Variants in GLB1L3 observed in about 807,000 individuals in gnomAD.
GLB1L3 encodes the protein galactosidase beta 1 like 3.
In GLB1L3, 89 loss-of-function variants were observed where a neutral mutation model predicts 89.5. That is an observed-to-expected ratio of 0.99 (90% CI 0.84 to 1.19). GLB1L3 has a LOEUF of 1.19. Among genes scored for constraint, GLB1L3 ranks in the 50% most tolerant of loss-of-function variants. The pLI is 0.00. For missense variants in GLB1L3, 812 were observed against 813.3 expected (o/e 1.00, Z 0.02); for synonymous variants, 314 against 312.3 (o/e 1.01, Z -0.06).
chr11:134,288,674 A>G (rs879783476), intron 6 of GLB1L3, 124 bp from the exon 7 acceptor site: 26 of 635,498 alleles, frequency 4.1e-5, no homozygotes, highest in Non-Finnish European at 6.4e-5. Flanking sequence ...GAGCGTGCAG[A>G]CCACAGGGGC....
chr11:134,278,711 G>A (rs563154747), intron 3 of GLB1L3, among the ~76,000 whole-genome samples: 2 of 152,320 alleles, frequency 1.3e-5, no homozygotes, highest in South Asian at 4.1e-4. Flanking sequence ...GATGCTTAGA[G>A]GGCCCTGTGC....
chr11:134,290,776 C>T (rs1415574800), intron 7 of GLB1L3, among the ~76,000 whole-genome samples: 7 of 152,018 alleles, frequency 4.6e-5, no homozygotes, highest in Non-Finnish European at 2.9e-5. Flanking sequence ...TGACAGTGTT[C>T]GGCAGCACCT....
At chr11:134,308,428 TC>T (rs1942446635) in intron 10 of GLB1L3, among the ~76,000 whole-genome samples, 1 of 38,242 alleles carries the variant, frequency 2.6e-5, no homozygotes, top group Non-Finnish European at 4.7e-5. Context: ...ATCATCACCA[TC>T]ACCACCACCA....
chr11:134,276,830 T>C, intron 1 of GLB1L3, 67 bp downstream of exon 1: 2 of 1,237,088 alleles, frequency 1.6e-6, no homozygotes, highest in Non-Finnish European at 2.0e-6. Flanking sequence ...GCCTCCACCC[T>C]CCCCGGGTTC....
At chr11:134,321,663 G>T (rs984822304), downstream of GLB1L3, among the ~76,000 whole-genome samples, 1 of 152,014 alleles carries the variant, frequency 6.6e-6, no homozygotes, top group Non-Finnish European at 1.5e-5. Flanking sequence ...GCAAACTATC[G>T]CAAGGACAGA....
At chr11:134,277,279 TGGGGCCG>T (rs775819945) in intron 1 of GLB1L3, 40 bp from the exon 2 acceptor site, 1 of 1,612,718 alleles carries the variant, frequency 6.2e-7, no homozygotes, top group East Asian at 2.2e-5. Context: ...TGCAGCCCGG[TGGGGCCG>T]GAACCTTCCC....
intron 9 of GLB1L3, among the ~76,000 whole-genome samples, chr11:134,305,865 A>G (rs1942184081): frequency 6.6e-6 from 1 of 152,182 alleles, no homozygotes; most frequent in Non-Finnish European, 1.5e-5. Context: ...GAAATTAAAA[A>G]TTAAATATAG....
At chr11:134,288,308 T>C (rs1324395377) in intron 6 of GLB1L3, among the ~76,000 whole-genome samples, 1 of 152,132 alleles carries the variant, frequency 6.6e-6, no homozygotes, top group East Asian at 1.9e-4. Flanking sequence ...TGCCCCCATC[T>C]TGATGCGGAG....
intron 10 of GLB1L3, among the ~76,000 whole-genome samples, chr11:134,308,934 A>G (rs1942582064): frequency 6.6e-6 from 1 of 152,196 alleles, no homozygotes. Flanking sequence ...TCTTCTTCCC[A>G]CTGTGGCCAG....
At chr11:134,298,354 CAACT>C (rs1237321379) in intron 9 of GLB1L3, among the ~76,000 whole-genome samples, 1 of 152,100 alleles carries the variant, frequency 6.6e-6, no homozygotes. Context: ...CAAATAAAAA[CAACT>C]AAAGCAAAGA....
chr11:134,297,898 A>T (rs529705648), intron 9 of GLB1L3, among the ~76,000 whole-genome samples: 50 of 149,920 alleles, frequency 3.3e-4, no homozygotes, highest in African/African-American at 9.0e-4. Context: ...GAGAGAAAAA[A>T]ATATATATAT....
In GLB1L3 at chr11:134,312,471, C is replaced by T. The variant is rs561657811; in HGVS notation, c.1410C>T (p.His470=). Residue 470 remains histidine (H), a synonymous_variant, in exon 14 of 20, where the codon CAC becomes CAT. Coordinates refer to ENST00000431683, the MANE Select transcript of GLB1L3 (RefSeq NM_001080407.3). ...SICSGGRLRA[H]AHDVAQVFLD... The stretch of plus-strand genomic sequence containing the variant: ...GCTCCGGAGGCCGCCTCCGTGCCCA[C>T]GCTCATGACGTGGCACAGGTAGGGC... 44 of 1,612,786 alleles carry T rather than the reference C, an allele frequency of 2.7e-5. 1 individual carries two copies. Among genetic ancestry groups the T allele is most frequent in the Middle Eastern group, 3.3e-4 (2 of 5,992 alleles).
rs965449452 is a variant in GLB1L3, at chr11:134,308,407, C to T, written c.961+1199C>T. Among the ~76,000 whole-genome samples the T allele has an allele frequency of 1.3e-3, 103 of 78,076 alleles. 2 individuals carry two copies. Among genetic ancestry groups the T allele is most frequent in the Middle Eastern group, 0.013 (2 of 156 alleles). 51.2% of individuals were successfully genotyped at this position (78,076 alleles called of 152,430 possible). The stretch of plus-strand genomic sequence containing the variant: ...ACCACCATCACCACCATCACCATCA[C>T]CACCACCACCATCATCACCATCACC... On this transcript the variant is annotated intron_variant, in intron 10 of 19. Coordinates refer to ENST00000431683, the MANE Select transcript of GLB1L3 (RefSeq NM_001080407.3).
intron 9 of GLB1L3, among the ~76,000 whole-genome samples, chr11:134,293,862 T>C (rs543949978): frequency 2.0e-5 from 3 of 152,158 alleles, no homozygotes; most frequent in Non-Finnish European, 2.9e-5. Flanking sequence ...CAGGATGACA[T>C]GCAGCCCCCA....
chr11:134,302,092 C>T (rs1204272037), intron 9 of GLB1L3, among the ~76,000 whole-genome samples: 1 of 152,194 alleles, frequency 6.6e-6, no homozygotes, highest in African/African-American at 2.4e-5. Flanking sequence ...CTCCTCTCTC[C>T]TCTGACGTGA....
At chr11:134,277,622 G>T in intron 2 of GLB1L3, 78 bp from the exon 3 acceptor site, 2 of 1,530,316 alleles carry the variant, frequency 1.3e-6, no homozygotes, top group Non-Finnish European at 1.8e-6. Flanking sequence ...TTTTCGCTAG[G>T]GTTTCAGCCG....
rs1565413228 is a variant in GLB1L3, at chr11:134,308,344, TCACCATCAC to T, written c.961+1140_961+1148del. Among the ~76,000 whole-genome samples, 53 of 24,658 alleles carry T rather than the reference TCACCATCAC, an allele frequency of 2.1e-3. 1 individual carries two copies. Among genetic ancestry groups the T allele is most frequent in the South Asian group, 0.013 (5 of 376 alleles). 16.2% of individuals were successfully genotyped at this position (24,658 alleles called of 152,430 possible). Reference sequence around the variant, plus strand: ...ACCATCACCATCACCATCACCATCATCACCATCACCACTACCACCACCACCACCACCACC... The same window carrying T: ...ACCATCACCATCACCATCACCATCATCACTACCACCACCACCACCACCACC... On this transcript the variant is annotated intron_variant, in intron 10 of 19. Transcript: ENST00000431683.
rs910698021 is a variant in GLB1L3, at chr11:134,288,067, C to T, written c.637-731C>T. 1.1e-4 allele frequency among the ~76,000 whole-genome samples: 16 copies of T among 152,180 alleles called. 1 individual carries two copies. Among genetic ancestry groups the T allele is most frequent in the Non-Finnish European group, 2.1e-4 (14 of 68,040 alleles). On this transcript the variant is annotated intron_variant, in intron 6 of 19. Transcript: ENST00000431683. ...TCCAAGGAGAAGGAAATGCATCAGA[C>T]TGTGGAAGGACCCTGAAAGAGGATA... is the stretch of plus-strand genomic sequence containing the variant.
At chr11:134,318,151 A>T (rs761043810) in intron 18 of GLB1L3, among the ~76,000 whole-genome samples, 4 of 152,170 alleles carry the variant, frequency 2.6e-5, no homozygotes, top group Non-Finnish European at 5.9e-5. Context: ...TTTATGTGCT[A>T]GACTGTTTTG....
Sources: allele counts gnomAD v4.1 joint callset (sites outside exome capture counted in the v4.1 genomes callset), GRCh38; gene constraint gnomAD v4.1.1; transcripts MANE v1.5; gene names NCBI Gene and HGNC (gene_info 2026-07-23, HGNC 2026-07-21).